The following PTPRG variants were observed in gnomAD, a reference collection of about 807,000 sequenced individuals.
PTPRG encodes the protein receptor-type tyrosine-protein phosphatase gamma.
PTPRG carries 102 observed loss-of-function variants against 165.3 expected under a neutral mutation model. The observed-to-expected ratio is 0.62, with a 90% CI of 0.53 to 0.73. The LOEUF (loss-of-function observed/expected upper bound fraction) is 0.73. PTPRG is among the 30% of genes least tolerant of loss of function. The pLI is 0.00. For synonymous variants in PTPRG, 675 were observed against 669.5 expected, an observed-to-expected ratio of 1.01 and a Z score of -0.13; for missense variants, 1,866 against 1,861.4, an observed-to-expected ratio of 1.00 and a Z score of -0.05.
At chr3:61,736,522 T>C (rs4688661) in intron 1 of PTPRG, among the ~76,000 whole-genome samples, 27,193 of 151,968 alleles carry the variant, frequency 0.18, 3,162 homozygotes, top group East Asian at 0.53. Flanking sequence ...TGAAGAAGGG[T>C]GAAGGTGAAG....
intron 2 of PTPRG, among the ~76,000 whole-genome samples, chr3:61,848,989 T>C (rs1469595058): frequency 6.6e-6 from 1 of 152,222 alleles, no homozygotes; most frequent in Non-Finnish European, 1.5e-5. Context: ...CCGGAGTGTT[T>C]GTGAAATAAT....
Position 62,254,295 on chromosome 3 carries a change from G to A in PTPRG, c.2468-829G>A, listed in dbSNP as rs1701485043. ...AGTATTTTTAAAAGGAAATATTTGTGGGGGAGGGTCGAGGGAGAAGGGAAG... is the reference window on the plus strand; with the variant it reads ...AGTATTTTTAAAAGGAAATATTTGTAGGGGAGGGTCGAGGGAGAAGGGAAG... On this transcript the variant is annotated intron_variant, in intron 15 of 29. Coordinates refer to ENST00000474889, the MANE Select transcript of PTPRG (RefSeq NM_002841.4). This position sits in a 1 kb window ranked among gnomAD's most constrained non-coding sequence, Gnocchi z 4.6. Among the ~76,000 whole-genome samples the A allele has an allele frequency of 6.6e-6, 1 of 152,134 alleles. No individual in the cohort carries two copies. The highest frequency in any genetic ancestry group is 2.4e-5 in the African/African-American group (1 of 41,442).
rs17065650 is a variant in PTPRG, at chr3:61,996,561, C to G, written c.370+6757C>G. On this transcript the variant is annotated intron_variant, in intron 3 of 29. Transcript: ENST00000474889. ...CATTTGGAAACATCTGGGCCCTTGGCATTGTTTATATTGGGCGTGTCTAAT... is the reference window on the plus strand; with the variant it reads ...CATTTGGAAACATCTGGGCCCTTGGGATTGTTTATATTGGGCGTGTCTAAT... Among the ~76,000 whole-genome samples the G allele has an allele frequency of 6.6e-3, 1,006 of 152,264 alleles. 10 individuals carry two copies. The highest frequency in any genetic ancestry group is 0.023 in the African/African-American group (963 of 41,550).
intron 4 of PTPRG, among the ~76,000 whole-genome samples, chr3:62,061,891 A>G (rs892032888): frequency 9.9e-5 from 15 of 151,562 alleles, no homozygotes; most frequent in African/African-American, 3.6e-4. Context: ...CGGCCTCCCA[A>G]AGTGTTAGGA....
intron 1 of PTPRG, among the ~76,000 whole-genome samples, chr3:61,605,521 G>A (rs1700978056): frequency 6.6e-6 from 1 of 151,968 alleles, no homozygotes; most frequent in Non-Finnish European, 1.5e-5. Flanking sequence ...CTCCCAAAGT[G>A]CTAGGATTAC....
chr3:62,156,074 G>A (rs765679372), intron 6 of PTPRG, among the ~76,000 whole-genome samples: 1 of 152,206 alleles, frequency 6.6e-6, no homozygotes, highest in Non-Finnish European at 1.5e-5. Flanking sequence ...ATAGTTTACT[G>A]GGCATGCTTG....
Position 62,124,099 on chromosome 3 carries a change from T to G in PTPRG, c.616-8503T>G. On this transcript the variant is annotated intron_variant, in intron 5 of 29. Coordinates refer to ENST00000474889, the MANE Select transcript of PTPRG (RefSeq NM_002841.4). The stretch of plus-strand genomic sequence containing the variant: ...TTCTTTTTAAAAAGGTCCATTCAAC[T>G]TGTCCTCCTTGTGAAATGGTTGAAA... 4 of 554,172 alleles carry G rather than the reference T, an allele frequency of 7.2e-6. No homozygotes were observed. The African/African-American group carries it at 7.5e-5, about 10-fold the overall frequency. The allele number at this position is 554,172 out of a possible 1,614,324, so 34.3% of individuals were successfully genotyped here.
intron 6 of PTPRG, among the ~76,000 whole-genome samples, chr3:62,143,794 A>C (rs981371363): frequency 6.6e-6 from 1 of 152,170 alleles, no homozygotes; most frequent in Non-Finnish European, 1.5e-5. Context: ...CCTGGGTTTG[A>C]ATTCTGGCTC....
intron 1 of PTPRG, among the ~76,000 whole-genome samples, chr3:61,734,530 C>T (rs938860660): frequency 2.0e-5 from 3 of 152,152 alleles, no homozygotes; most frequent in Non-Finnish European, 2.9e-5. Flanking sequence ...TTTCTGTGAT[C>T]TGCGGTTCTT....
intron 2 of PTPRG, among the ~76,000 whole-genome samples, chr3:61,830,998 A>T (rs1342822631): frequency 6.6e-6 from 1 of 152,220 alleles, no homozygotes; most frequent in Non-Finnish European, 1.5e-5. Context: ...ATGTTTAAAT[A>T]ACAGACATCT....
At chr3:61,750,054 A>G (rs1417604043) in intron 2 of PTPRG, 1 of 152,154 alleles carries the variant, frequency 6.6e-6, no homozygotes, top group East Asian at 1.9e-4. Context: ...CAGGGAGAAT[A>G]TCCTATCTGT....
chr3:62,154,359 C>T (rs762952925), intron 6 of PTPRG, among the ~76,000 whole-genome samples: 19 of 152,160 alleles, frequency 1.2e-4, no homozygotes, highest in Admixed American at 3.3e-4. Flanking sequence ...ACCTCGCCAC[C>T]GATCTGACTG....
intron 2 of PTPRG, among the ~76,000 whole-genome samples, chr3:61,950,647 C>A (rs2039877894): frequency 6.6e-6 from 1 of 152,098 alleles, no homozygotes; most frequent in Non-Finnish European, 1.5e-5. Context: ...TACTTTCTTG[C>A]ACCTCTGGTA....
intron 2 of PTPRG, among the ~76,000 whole-genome samples, chr3:61,891,195 G>A (rs867699624): frequency 3.3e-5 from 5 of 152,068 alleles, no homozygotes; most frequent in Admixed American, 1.3e-4. Flanking sequence ...GCATGCGCCT[G>A]TAATCCCAGC....
rs747929817 is a variant in PTPRG at position 62,267,487 on chromosome 3, G to A, written c.2734G>A (p.Val912Ile). 6 of 1,606,808 alleles carry A rather than the reference G, an allele frequency of 3.7e-6. No homozygotes were observed. The highest frequency in any genetic ancestry group is 5.1e-6 in the Non-Finnish European group (6 of 1,174,864). Residue 912 changes from valine to isoleucine, a missense_variant, in exon 18 of 30, where the codon GTT (valine) becomes ATT (isoleucine). Physicochemically the swap from Val to Ile is conservative, Grantham distance 29 (BLOSUM62 3). Coordinates refer to ENST00000474889, the MANE Select transcript of PTPRG (RefSeq NM_002841.4). ...KHSDYINANY[V>I]DGYNKAKAYI... ...CAGCGACTACATTAATGCAAACTAT[G>A]TTGATGTAAGTCAGAACTGTTATTA...
intron 2 of PTPRG, among the ~76,000 whole-genome samples, chr3:61,963,150 A>T (rs1335924229): frequency 2.0e-5 from 3 of 152,164 alleles, no homozygotes; most frequent in African/African-American, 7.2e-5. Flanking sequence ...CATACTATAC[A>T]TGCTGTTCTG....
chr3:62,175,425 G>T (rs1231124525), intron 8 of PTPRG, among the ~76,000 whole-genome samples: 1 of 152,108 alleles, frequency 6.6e-6, no homozygotes, highest in Non-Finnish European at 1.5e-5. Flanking sequence ...AGGCCATCCT[G>T]GGCAACATAG....
chr3:61,989,210 T>C (rs2040828984), intron 2 of PTPRG, among the ~76,000 whole-genome samples: 1 of 152,206 alleles, frequency 6.6e-6, no homozygotes. Context: ...TTACAGTCTT[T>C]TATGGGCTAA....
intron 1 of PTPRG, 39 bp downstream of exon 1, chr3:61,562,411 C>T: frequency 6.3e-7 from 1 of 1,598,382 alleles, no homozygotes; most frequent in Non-Finnish European, 8.6e-7. Flanking sequence ...CCCCGGCCGG[C>T]GCGCGTTGGG....
Sources: allele counts gnomAD v4.1 joint callset (sites outside exome capture counted in the v4.1 genomes callset), GRCh38; gene constraint gnomAD v4.1.1; non-coding constraint Gnocchi (gnomAD v3.1); transcripts MANE v1.5; gene names NCBI Gene and HGNC (gene_info 2026-07-23, HGNC 2026-07-21).